EFL1: variants seen among roughly 807,000 people sequenced by gnomAD.
EFL1 encodes the protein elongation factor like GTPase 1, also known as elongation factor-like GTPase 1.
Under a neutral mutation model 126.7 loss-of-function variants are expected in EFL1, and 76 were observed. That is an observed-to-expected ratio of 0.60 (90% CI 0.50 to 0.73). The LOEUF is 0.73. EFL1 is among the 30% of genes least tolerant of loss of function. EFL1 has a pLI of 0.00. For missense variants in EFL1, 1,128 were observed against 1,343.2 expected (o/e 0.84, Z 2.50); for synonymous variants, 410 against 448.4 (o/e 0.91, Z 1.08).
intron 9 of EFL1, among the ~76,000 whole-genome samples, chr15:82,228,534 C>T (rs946770431): frequency 2.6e-5 from 4 of 152,182 alleles, no homozygotes; most frequent in African/African-American, 7.2e-5. Flanking sequence ...TTTAAGATTT[C>T]CCAGGAAGTA....
intron 12 of EFL1, among the ~76,000 whole-genome samples, chr15:82,220,464 C>T (rs1431074371): frequency 6.6e-6 from 1 of 152,188 alleles, no homozygotes; most frequent in Non-Finnish European, 1.5e-5. Context: ...AAGTCCCCAT[C>T]TGGAGCAATG....
chr15:82,239,075 T>C (rs1173252275), intron 6 of EFL1, among the ~76,000 whole-genome samples: 2 of 152,230 alleles, frequency 1.3e-5, no homozygotes, highest in African/African-American at 4.8e-5. Flanking sequence ...CTCACTTATG[T>C]CTGCAAATAC....
chr15:82,202,835 G>A (rs1453713109), intron 15 of EFL1, among the ~76,000 whole-genome samples: 8 of 147,000 alleles, frequency 5.4e-5, no homozygotes, highest in Non-Finnish European at 8.9e-5. Flanking sequence ...TTTTTGAGAC[G>A]GAGTCTTGCT....
At chr15:82,237,577 A>G (rs755255087) in intron 7 of EFL1, among the ~76,000 whole-genome samples, 7 of 152,240 alleles carry the variant, frequency 4.6e-5, no homozygotes, top group Non-Finnish European at 7.3e-5. Context: ...AAAATGGTAC[A>G]GTCCGTCTGG....
intron 18 of EFL1, among the ~76,000 whole-genome samples, chr15:82,145,312 A>AAG (rs1022151214): frequency 2.0e-5 from 3 of 151,512 alleles, no homozygotes; most frequent in African/African-American, 7.3e-5. Context: ...TCAAAAAAAA[A>AAG]AAAAAAAAAG....
intron 7 of EFL1, among the ~76,000 whole-genome samples, chr15:82,237,505 A>C (rs2074885341): frequency 6.6e-6 from 1 of 152,232 alleles, no homozygotes; most frequent in South Asian, 2.1e-4. Context: ...AACGGTGACA[A>C]CACCAAACGT....
chr15:82,177,746 C>G (rs557555111), intron 15 of EFL1, among the ~76,000 whole-genome samples: 2 of 152,276 alleles, frequency 1.3e-5, no homozygotes, highest in East Asian at 3.9e-4. Flanking sequence ...ACACACTACC[C>G]AAAGAATTTT....
chr15:82,254,019 A>T (rs568097749), intron 3 of EFL1, among the ~76,000 whole-genome samples: 1 of 152,364 alleles, frequency 6.6e-6, no homozygotes, highest in African/African-American at 2.4e-5. Context: ...ACCAAGAATT[A>T]TCTGTTGATA....
intron 10 of EFL1, 39 bp downstream of exon 10, chr15:82,228,152 C>T: frequency 6.4e-7 from 1 of 1,555,964 alleles, no homozygotes; most frequent in East Asian, 2.3e-5. Context: ...CTAGCTTTAT[C>T]AAAACTATTT....
chr15:82,165,348 C>G (rs1449866651), intron 15 of EFL1, among the ~76,000 whole-genome samples: 1 of 152,080 alleles, frequency 6.6e-6, no homozygotes, highest in African/African-American at 2.4e-5. Context: ...AGAAAGGAAA[C>G]AAAGAAAATC....
intron 8 of EFL1, 107 bp downstream of exon 8, chr15:82,230,741 C>G: frequency 7.3e-7 from 1 of 1,364,506 alleles, no homozygotes; most frequent in Non-Finnish European, 9.8e-7. Flanking sequence ...CTCATGAACT[C>G]ACCTGCATAA....
At chr15:82,153,967 C>A (rs1303181776) in intron 17 of EFL1, among the ~76,000 whole-genome samples, 1 of 152,100 alleles carries the variant, frequency 6.6e-6, no homozygotes, top group East Asian at 1.9e-4. Flanking sequence ...AGAAAACCAA[C>A]GGCAAAGCTT....
At chr15:82,230,378 T>C (rs886328934) in intron 8 of EFL1, among the ~76,000 whole-genome samples, 2 of 152,006 alleles carry the variant, frequency 1.3e-5, no homozygotes, top group Non-Finnish European at 2.9e-5. Flanking sequence ...ACACCACCTC[T>C]ATCTATAGAA....
chr15:82,188,666 C>T (rs2074326686), intron 15 of EFL1, among the ~76,000 whole-genome samples: 1 of 152,116 alleles, frequency 6.6e-6, no homozygotes, highest in African/African-American at 2.4e-5. Context: ...TTTTTTAAAA[C>T]AATGTGCCTC....
At chr15:82,149,862 T>C (rs551207345) in intron 18 of EFL1, among the ~76,000 whole-genome samples, 1 of 152,144 alleles carries the variant, frequency 6.6e-6, no homozygotes, top group African/African-American at 2.4e-5. Context: ...TGGCCATCAA[T>C]AGAAGTATTC....
Position 82,262,713 on chromosome 15 carries a change from G to A in EFL1, c.-119C>T. On this transcript the variant is annotated 5_prime_UTR_variant, in exon 1 of 20. Transcript: ENST00000268206. ...AGCTCTGCGGGTCCGACACGCCCGC[G>A]CGCCAGGGGGCGGGGCCGGCTGTCG... 2.6e-6 allele frequency: 2 copies of A among 762,640 alleles called. No individual in the cohort carries two copies. The highest frequency in any genetic ancestry group is 4.0e-6 in the Non-Finnish European group (2 of 497,510). The allele number at this position is 762,640 out of a possible 1,614,324, so 47.2% of individuals were successfully genotyped here. A position where few individuals can be genotyped will look rare whatever the true frequency, so the allele number is the denominator to read the frequency against.
chr15:82,226,003 G>A (rs141972973), intron 11 of EFL1, among the ~76,000 whole-genome samples: 82 of 152,238 alleles, frequency 5.4e-4, no homozygotes, highest in African/African-American at 1.9e-3. Context: ...AATCAAACAT[G>A]TATCAGAAGT....
chr15:82,157,666 A>G, intron 17 of EFL1, 47 bp downstream of exon 17: 1 of 1,570,362 alleles, frequency 6.4e-7, no homozygotes, highest in Non-Finnish European at 8.7e-7. Context: ...AAAACATCCC[A>G]TTGATTGAGA....
At chr15:82,196,925 A>G (rs1208032823) in intron 15 of EFL1, among the ~76,000 whole-genome samples, 3 of 151,992 alleles carry the variant, frequency 2.0e-5, no homozygotes, top group Non-Finnish European at 4.4e-5. Context: ...CCAGCTACTC[A>G]GAAGGCTGAG....
Sources: allele counts gnomAD v4.1 joint callset (sites outside exome capture counted in the v4.1 genomes callset), GRCh38; gene constraint gnomAD v4.1.1; transcripts MANE v1.5; gene names NCBI Gene and HGNC (gene_info 2026-07-23, HGNC 2026-07-21).